DLGAP1: variants seen among roughly 807,000 people sequenced by gnomAD.
DLGAP1 encodes DLG associated protein 1, also known as disks large-associated protein 1.
DLGAP1 carries 11 observed loss-of-function variants against 90.8 expected under a neutral mutation model. The observed-to-expected ratio is 0.12, with a 90% CI of 0.08 to 0.20. The LOEUF (loss-of-function observed/expected upper bound fraction) is 0.20, where lower values mean the gene tolerates loss of function less well. Among genes scored for constraint, DLGAP1 ranks in the 10% least tolerant of loss-of-function variants. The pLI is 1.00. For synonymous variants in DLGAP1, 558 were observed against 540.7 expected (o/e 1.03, Z -0.44); for missense variants, 1,050 against 1,333.8 (o/e 0.79, Z 3.31).
At chr18:4,277,761 G>T (rs2079449209) in intron 1 of DLGAP1, among the ~76,000 whole-genome samples, 1 of 152,110 alleles carries the variant, frequency 6.6e-6, no homozygotes, top group South Asian at 2.1e-4. Context: ...CTCAGCAGGG[G>T]TAGCACAAAC....
At chr18:3,784,302 C>A (rs1239384767) in intron 5 of DLGAP1, among the ~76,000 whole-genome samples, 1 of 152,036 alleles carries the variant, frequency 6.6e-6, no homozygotes, top group Non-Finnish European at 1.5e-5. Context: ...TTTCTTGGAC[C>A]CCCCCTAGTT....
chr18:4,241,315 G>T (rs979734466), intron 1 of DLGAP1, among the ~76,000 whole-genome samples: 1 of 152,122 alleles, frequency 6.6e-6, no homozygotes, highest in African/African-American at 2.4e-5. Flanking sequence ...CCCTCAGTTC[G>T]CATTTCTGAC....
intron 3 of DLGAP1, among the ~76,000 whole-genome samples, chr18:3,890,466 A>G (rs1210957589): frequency 1.3e-5 from 2 of 152,160 alleles, no homozygotes; most frequent in Non-Finnish European, 2.9e-5. Flanking sequence ...TAATTCCTCA[A>G]ACACTGCCCC....
At chr18:4,197,743 A>G (rs1289437320) in intron 1 of DLGAP1, among the ~76,000 whole-genome samples, 1 of 152,148 alleles carries the variant, frequency 6.6e-6, no homozygotes, top group Non-Finnish European at 1.5e-5. Context: ...AGAGGTTAGG[A>G]TGCAAACCTT....
rs2082163868 is a variant in DLGAP1, at chr18:4,383,141, C to T, written c.-267+71865G>A. On this transcript the variant is annotated intron_variant, in intron 1 of 12. Transcript: ENST00000315677. This position sits in a 1 kb window ranked among gnomAD's most constrained non-coding sequence, Gnocchi z 4.0. Reference sequence around the variant, plus strand: ...TTACCTTCACTCCTTTTTACAAAAGCTAAATGTCCTAAGAATTACTGCATC... The same window carrying T: ...TTACCTTCACTCCTTTTTACAAAAGTTAAATGTCCTAAGAATTACTGCATC... Among the ~76,000 whole-genome samples, 1 of 152,094 alleles carries T rather than the reference C, an allele frequency of 6.6e-6. No homozygotes were observed. The highest frequency in any genetic ancestry group is 2.4e-5 in the African/African-American group (1 of 41,394).
At chr18:3,992,370 A>C (rs1406825377) in intron 3 of DLGAP1, among the ~76,000 whole-genome samples, 2 of 152,126 alleles carry the variant, frequency 1.3e-5, no homozygotes, top group Non-Finnish European at 2.9e-5. Flanking sequence ...AATTCACATA[A>C]AAGCCACCTA....
chr18:4,078,737 G>A (rs1042526776), intron 2 of DLGAP1, among the ~76,000 whole-genome samples: 18 of 152,228 alleles, frequency 1.2e-4, no homozygotes, highest in African/African-American at 4.3e-4. Flanking sequence ...TTCTTGGGTG[G>A]GAGAATGCAG....
intron 7 of DLGAP1, among the ~76,000 whole-genome samples, chr18:3,655,031 C>T (rs1247647248): frequency 6.6e-6 from 1 of 152,166 alleles, no homozygotes; most frequent in Admixed American, 6.5e-5. Context: ...ACTACTCTCC[C>T]ACCTCCCAAC....
At chr18:4,251,712 A>C (rs962184004) in intron 1 of DLGAP1, among the ~76,000 whole-genome samples, 9 of 152,216 alleles carry the variant, frequency 5.9e-5, no homozygotes, top group African/African-American at 2.2e-4. Flanking sequence ...CTAAAGAAGC[A>C]GGGGGTGGTT....
In DLGAP1 at chr18:3,572,141, C is replaced by T. The variant is rs372314242; in HGVS notation, c.1966-4560G>A. ...TTGCCCAGGCTGGAGTGCAATGGCG[C>T]GATCTCGGCTCACCGCAACCTACCC... is the stretch of plus-strand genomic sequence containing the variant. On this transcript the variant is annotated intron_variant, in intron 8 of 12. Coordinates refer to ENST00000315677, the MANE Select transcript of DLGAP1 (RefSeq NM_004746.4). 1.4e-4 allele frequency among the ~76,000 whole-genome samples: 21 copies of T among 145,818 alleles called. No individual in the cohort carries two copies. In the East Asian group the frequency reaches 1.5e-3, roughly 10 times the overall value.
At position 3,524,526 on chromosome 18, in the gene DLGAP1, AACTT is replaced by A. The variant is rs752526977; in HGVS notation, c.2479+9664_2479+9667del. On this transcript the variant is annotated intron_variant, in intron 10 of 12. Transcript: ENST00000315677. ...GTTAATTTGCTTCATAATAGTCACCAACTTACTTTCTATCTGTATTCAATAGCAT... is the reference window on the plus strand; with the variant it reads ...GTTAATTTGCTTCATAATAGTCACCAACTTTCTATCTGTATTCAATAGCAT... Among the ~76,000 whole-genome samples, 14 of 152,314 alleles carry A rather than the reference AACTT, an allele frequency of 9.2e-5. No homozygotes were observed. In the East Asian group the frequency reaches 2.3e-3, roughly 25 times the overall value.
chr18:3,739,940 C>T (rs1019961668), intron 6 of DLGAP1, among the ~76,000 whole-genome samples: 2 of 152,188 alleles, frequency 1.3e-5, no homozygotes, highest in Non-Finnish European at 2.9e-5. Context: ...AGCATTACTT[C>T]TCCCATGTGT....
At chr18:4,251,784 C>T (rs2030465) in intron 1 of DLGAP1, among the ~76,000 whole-genome samples, 55,802 of 152,148 alleles carry the variant, frequency 0.37, 13,577 homozygotes, top group African/African-American at 0.7. Context: ...TGTGCTACCC[C>T]TGCAGGAGGA....
chr18:3,596,996 C>A (rs371622051), intron 7 of DLGAP1: 49 of 520,014 alleles, frequency 9.4e-5, no homozygotes, highest in Non-Finnish European at 1.7e-4. Flanking sequence ...GCCTCCCCCA[C>A]AGGCTCTCGG....
chr18:4,299,249 T>C (rs562700314), intron 1 of DLGAP1, among the ~76,000 whole-genome samples: 1 of 152,304 alleles, frequency 6.6e-6, no homozygotes, highest in African/African-American at 2.4e-5. Context: ...ACATACTCTG[T>C]TCATATGTTT....
intron 1 of DLGAP1, among the ~76,000 whole-genome samples, chr18:4,281,304 A>G (rs2079544587): frequency 6.6e-6 from 1 of 152,122 alleles, no homozygotes; most frequent in Non-Finnish European, 1.5e-5. Flanking sequence ...TAATCCTAAC[A>G]CTTTGGGAGA....
intron 9 of DLGAP1, among the ~76,000 whole-genome samples, chr18:3,556,190 G>A (rs567710): frequency 0.88 from 133,171 of 152,104 alleles, 59,154 homozygotes; most frequent in Non-Finnish European, 0.94. Context: ...CACAAAGTAG[G>A]GAACTCCCAT....
intron 5 of DLGAP1, among the ~76,000 whole-genome samples, chr18:3,763,608 C>A (rs921094925): frequency 1.3e-5 from 2 of 151,922 alleles, no homozygotes; most frequent in African/African-American, 4.8e-5. Flanking sequence ...GATGTTAAAT[C>A]ATCCCAAATT....
chr18:3,850,275 C>T (rs1745416007), intron 4 of DLGAP1, among the ~76,000 whole-genome samples: 1 of 152,034 alleles, frequency 6.6e-6, no homozygotes, highest in Non-Finnish European at 1.5e-5. Flanking sequence ...CTTGTAATCC[C>T]AGCTACTCGG....
Sources: allele counts gnomAD v4.1 joint callset (sites outside exome capture counted in the v4.1 genomes callset), GRCh38; gene constraint gnomAD v4.1.1; non-coding constraint Gnocchi (gnomAD v3.1); transcripts MANE v1.5; gene names NCBI Gene and HGNC (gene_info 2026-07-23, HGNC 2026-07-21).